The following SPATA17 variants were observed in gnomAD, a reference collection of about 807,000 sequenced individuals.
The protein encoded by SPATA17 is spermatogenesis associated 17.
In SPATA17, 53 loss-of-function variants were observed where a neutral mutation model predicts 62.2. That is an observed-to-expected ratio of 0.85 (90% CI 0.68 to 1.07). SPATA17 has a LOEUF of 1.07. Among genes scored for constraint, SPATA17 ranks in the 50% least tolerant of loss-of-function variants. The probability of loss-of-function intolerance (pLI) is 0.00; values close to 1 mark genes in which losing one functional copy is unlikely to be tolerated. For synonymous variants in SPATA17, 146 were observed against 146.8 expected, an observed-to-expected ratio of 0.99 and a Z score of 0.04; for missense variants, 466 against 425.5, an observed-to-expected ratio of 1.10 and a Z score of -0.84.
At chr1:217,640,383 TAAC>T (rs1250660629) in intron 1 of SPATA17, among the ~76,000 whole-genome samples, 8 of 151,350 alleles carry the variant, frequency 5.3e-5, no homozygotes, top group African/African-American at 1.7e-4. Context: ...TAAATGAACT[TAAC>T]AAGTTCGCAG....
chr1:217,659,947 A>G (rs1345117206), intron 3 of SPATA17, among the ~76,000 whole-genome samples: 2 of 152,190 alleles, frequency 1.3e-5, no homozygotes, highest in Admixed American at 6.5e-5. Context: ...TTGCTTTTTA[A>G]CATGACATGT....
intron 9 of SPATA17, among the ~76,000 whole-genome samples, chr1:217,818,689 T>C (rs984426628): frequency 3.9e-5 from 6 of 151,914 alleles, no homozygotes; most frequent in African/African-American, 1.4e-4. Context: ...TACATAGTGG[T>C]TCCTTTCAAT....
At chr1:217,660,098 T>G (rs1220124835) in intron 3 of SPATA17, among the ~76,000 whole-genome samples, 1 of 152,216 alleles carries the variant, frequency 6.6e-6, no homozygotes, top group African/African-American at 2.4e-5. Flanking sequence ...TTTTGGCAAA[T>G]GCTGTTCCCT....
Position 217,798,259 on chromosome 1 carries a change from T to A in SPATA17, c.873-3459T>A, listed in dbSNP as rs372713669. 8.5e-4 allele frequency among the ~76,000 whole-genome samples: 129 copies of A among 152,338 alleles called. 1 individual carries two copies. Among genetic ancestry groups the A allele is most frequent in the African/African-American group, 2.8e-3 (116 of 41,582 alleles). On this transcript the variant is annotated intron_variant, in intron 8 of 10. Transcript: ENST00000366933. ...AGTAAACTACTACTTGAACGTATGATGTTCAATTACTCAAATATTGCAACA... is the reference window on the plus strand; with the variant it reads ...AGTAAACTACTACTTGAACGTATGAAGTTCAATTACTCAAATATTGCAACA...
intron 8 of SPATA17, among the ~76,000 whole-genome samples, chr1:217,789,792 T>C (rs1004602259): frequency 2.3e-4 from 35 of 152,124 alleles, no homozygotes; most frequent in African/African-American, 8.2e-4. Context: ...CCTAGCACTT[T>C]GGGAGGCTGA....
chr1:217,734,766 G>T (rs974372750), intron 5 of SPATA17, among the ~76,000 whole-genome samples: 1 of 152,092 alleles, frequency 6.6e-6, no homozygotes, highest in Non-Finnish European at 1.5e-5. Context: ...TCAAAATTAT[G>T]ATTTTTGTGG....
chr1:217,663,242 C>G (rs979007294), intron 3 of SPATA17, among the ~76,000 whole-genome samples: 2 of 151,960 alleles, frequency 1.3e-5, no homozygotes, highest in African/African-American at 4.8e-5. Flanking sequence ...GTCAGGAGTT[C>G]GAGACCAACC....
intron 8 of SPATA17, among the ~76,000 whole-genome samples, chr1:217,789,569 A>G (rs759223423): frequency 1.3e-5 from 2 of 152,188 alleles, no homozygotes; most frequent in Non-Finnish European, 2.9e-5. Flanking sequence ...GGCAGGAGCA[A>G]ATTTCAGGAG....
At chr1:217,750,978 C>T (rs1367850087) in intron 6 of SPATA17, among the ~76,000 whole-genome samples, 3 of 152,202 alleles carry the variant, frequency 2.0e-5, no homozygotes, top group East Asian at 1.9e-4. Flanking sequence ...TGGTCTACAC[C>T]TGGTTCACCT....
At chr1:217,706,028 G>A (rs1197718076) in intron 5 of SPATA17, among the ~76,000 whole-genome samples, 1 of 152,156 alleles carries the variant, frequency 6.6e-6, no homozygotes, top group Non-Finnish European at 1.5e-5. Context: ...TAGGTGTGCA[G>A]CGTTATTTCT....
chr1:217,742,859 T>A (rs1672652670), intron 6 of SPATA17, among the ~76,000 whole-genome samples: 2 of 151,932 alleles, frequency 1.3e-5, no homozygotes, highest in African/African-American at 4.8e-5. Flanking sequence ...AGTCACATAG[T>A]TGAATGTCTC....
chr1:217,813,947 GAT>G (rs1316958483), intron 9 of SPATA17, among the ~76,000 whole-genome samples: 1 of 151,686 alleles, frequency 6.6e-6, no homozygotes, highest in Non-Finnish European at 1.5e-5. Context: ...ATTATATTAA[GAT>G]ATATATATTT....
chr1:217,798,354 G>A (rs1177892246), intron 8 of SPATA17, among the ~76,000 whole-genome samples: 1 of 152,062 alleles, frequency 6.6e-6, no homozygotes, highest in Admixed American at 6.6e-5. Context: ...AAGGATAGGA[G>A]GTTTTCAAAC....
At chr1:217,632,282 C>T (rs1200214537) in intron 1 of SPATA17, among the ~76,000 whole-genome samples, 3 of 152,092 alleles carry the variant, frequency 2.0e-5, no homozygotes, top group East Asian at 1.9e-4. Context: ...TAATAGATAA[C>T]GGGTAAGAAA....
chr1:217,703,848 T>C (rs1671662796), intron 5 of SPATA17, among the ~76,000 whole-genome samples: 1 of 152,180 alleles, frequency 6.6e-6, no homozygotes, highest in African/African-American at 2.4e-5. Flanking sequence ...ATATTTGTGC[T>C]AGGAGTAATT....
At chr1:217,664,289 C>CTTT (rs34166363) in intron 3 of SPATA17, among the ~76,000 whole-genome samples, 7 of 75,792 alleles carry the variant, frequency 9.2e-5, no homozygotes, top group East Asian at 7.5e-4. Flanking sequence ...TGTTAAAAAT[C>CTTT]TTTTTTTTTT....
intron 7 of SPATA17, among the ~76,000 whole-genome samples, chr1:217,778,814 A>G (rs899866594): frequency 6.6e-6 from 1 of 152,138 alleles, no homozygotes; most frequent in Non-Finnish European, 1.5e-5. Flanking sequence ...CCTGCTTTTA[A>G]TATACTTTTA....
chr1:217,833,739 T>A lies in SPATA17; in HGVS notation c.1006-29035T>A, dbSNP rs183419330. Among the ~76,000 whole-genome samples the A allele has an allele frequency of 1.1e-4, 16 of 152,320 alleles. No individual in the cohort carries two copies. The East Asian group carries it at 3.1e-3, about 29-fold the overall frequency. On this transcript the variant is annotated intron_variant, in intron 9 of 10. Coordinates refer to ENST00000366933, the MANE Select transcript of SPATA17 (RefSeq NM_138796.4). Reference sequence around the variant, plus strand: ...TCAAATTAATAGATAGATTTTGACATCTGACCTTTTAGAAAATTCAAATTT... The same window carrying A: ...TCAAATTAATAGATAGATTTTGACAACTGACCTTTTAGAAAATTCAAATTT...
At chr1:217,850,638 A>T (rs1021027153) in intron 9 of SPATA17, 6 of 1,583,430 alleles carry the variant, frequency 3.8e-6, no homozygotes, top group Non-Finnish European at 5.2e-6. Flanking sequence ...CTGCATTTTG[A>T]CCTGTTAGCA....
Sources: gnomAD v4.1 joint callset for allele counts (sites outside exome capture counted in the v4.1 genomes callset) on GRCh38, gnomAD v4.1.1 for gene constraint, MANE v1.5 for transcripts, NCBI Gene and HGNC (gene_info 2026-07-23, HGNC 2026-07-21) for gene names.